STK3: variants seen among roughly 807,000 people sequenced by gnomAD.
The protein encoded by STK3 is serine/threonine-protein kinase 3.
Under a neutral mutation model 58.0 loss-of-function variants are expected in STK3, and 41 were observed. That is an observed-to-expected ratio of 0.71 (90% CI 0.55 to 0.92). The LOEUF (loss-of-function observed/expected upper bound fraction) is 0.92. Among genes scored for constraint, STK3 ranks in the 40% least tolerant of loss-of-function variants. STK3 has a pLI of 0.00. For missense variants in STK3, 479 were observed against 602.7 expected (o/e 0.79, Z 2.15); for synonymous variants, 170 against 191.0 (o/e 0.89, Z 0.91).
At chr8:98,529,224 T>C (rs1404154206) in intron 9 of STK3, among the ~76,000 whole-genome samples, 2 of 152,030 alleles carry the variant, frequency 1.3e-5, no homozygotes, top group African/African-American at 4.8e-5. Context: ...CCTAAATCGA[T>C]GCCTACTTTA....
chr8:98,457,211 T>G (rs753414208), intron 10 of STK3, among the ~76,000 whole-genome samples: 1 of 152,254 alleles, frequency 6.6e-6, no homozygotes, highest in African/African-American at 2.4e-5. Flanking sequence ...ATATATCATA[T>G]GTAGTATTAT....
chr8:98,400,420 G>A (rs548007599), downstream of STK3, among the ~76,000 whole-genome samples: 18 of 152,340 alleles, frequency 1.2e-4, no homozygotes, highest in East Asian at 2.9e-3. Flanking sequence ...GGCGCCTGCC[G>A]TACTGAGGTT....
At chr8:98,415,176 A>G (rs922460205) in intron 3 of STK3, among the ~76,000 whole-genome samples, 1 of 152,196 alleles carries the variant, frequency 6.6e-6, no homozygotes, top group Non-Finnish European at 1.5e-5. Flanking sequence ...ATAAGGAACC[A>G]TCTTGGAAAC....
rs1251837736 is a variant in STK3, at chr8:98,771,281, A to G, written c.107+3458T>C. Among the ~76,000 whole-genome samples, 3 of 152,202 alleles carry G rather than the reference A, an allele frequency of 2.0e-5. No individual in the cohort carries two copies. In the East Asian group the frequency reaches 5.8e-4, roughly 29 times the overall value. Reference sequence around the variant, plus strand: ...CTGTAAAATGTACCAGTACTTCACTACTTTTTATGGCTAAAAGGTCACTGT... The same window carrying G: ...CTGTAAAATGTACCAGTACTTCACTGCTTTTTATGGCTAAAAGGTCACTGT... On this transcript the variant is annotated intron_variant, in intron 2 of 10. Transcript: ENST00000419617.
intron 1 of STK3, among the ~76,000 whole-genome samples, chr8:98,923,854 T>C (rs59826127): frequency 0.036 from 4,041 of 113,364 alleles, 90 homozygotes; most frequent in African/African-American, 0.07. Context: ...TGTGTGTGTG[T>C]GCGCGCGCGC....
intron 10 of STK3, among the ~76,000 whole-genome samples, chr8:98,510,361 G>C (rs1323659143): frequency 1.3e-5 from 2 of 151,852 alleles, no homozygotes; most frequent in Non-Finnish European, 2.9e-5. Flanking sequence ...AATCAGTTTT[G>C]CAAATAGTTA....
At chr8:98,872,231 T>C (rs887614533) in intron 3 of STK3, among the ~76,000 whole-genome samples, 2 of 152,212 alleles carry the variant, frequency 1.3e-5, no homozygotes, top group African/African-American at 2.4e-5. Flanking sequence ...GATGTGCTGC[T>C]GGATTCAGTT....
intron 6 of STK3, chr8:98,638,693 A>G (rs1326993513): frequency 1.3e-5 from 2 of 152,358 alleles, no homozygotes; most frequent in Non-Finnish European, 2.9e-5. Flanking sequence ...TCATATTAAG[A>G]GAAAACTGAG....
intron 1 of STK3, among the ~76,000 whole-genome samples, chr8:98,814,533 G>A (rs143955522): frequency 1.3e-5 from 2 of 151,732 alleles, no homozygotes; most frequent in Admixed American, 1.3e-4. Flanking sequence ...TAGAGACAGG[G>A]TCTCACCAGG....
chr8:98,926,748 G>A lies in STK3; in HGVS notation c.-79+15630C>T, dbSNP rs373813527. 4.6e-4 allele frequency among the ~76,000 whole-genome samples: 70 copies of A among 152,332 alleles called. 1 individual carries two copies. The highest frequency in any genetic ancestry group is 1.6e-3 in the African/African-American group (66 of 41,574). On this transcript the variant is annotated intron_variant, in intron 1 of 1. Transcript: ENST00000519420. ...TTAAAATGGGGCCAAAGCACATTGG[G>A]ATTTGGGACAACAAAAGAGGAAGTT... is the stretch of plus-strand genomic sequence containing the variant.
intron 8 of STK3, among the ~76,000 whole-genome samples, chr8:98,577,593 T>C (rs995664388): frequency 1.3e-5 from 2 of 152,170 alleles, no homozygotes; most frequent in African/African-American, 4.8e-5. Flanking sequence ...CTTTGTTCTC[T>C]CTCTTGGACC....
At chr8:98,789,730 C>A (rs181310540) in intron 1 of STK3, among the ~76,000 whole-genome samples, 3 of 152,150 alleles carry the variant, frequency 2.0e-5, no homozygotes, top group South Asian at 4.2e-4. Flanking sequence ...CTGAACAGAT[C>A]GACAGCAAGC....
At chr8:98,693,303 C>T (rs777115651) in intron 6 of STK3, among the ~76,000 whole-genome samples, 36 of 151,984 alleles carry the variant, frequency 2.4e-4, no homozygotes, top group Non-Finnish European at 4.4e-4. Context: ...GGGGCTGAGG[C>T]GGGAGGATTG....
chr8:98,939,235 G>C (rs997610914), intron 1 of STK3, among the ~76,000 whole-genome samples: 1 of 152,224 alleles, frequency 6.6e-6, no homozygotes, highest in Non-Finnish European at 1.5e-5. Context: ...GGAGGAGAGA[G>C]AGCACGCGCG....
At chr8:98,596,325 T>A in intron 6 of STK3, 156 bp from the exon 7 acceptor site, 2 of 746,126 alleles carry the variant, frequency 2.7e-6, no homozygotes, top group Non-Finnish European at 2.1e-6. Context: ...AGGAAGCCAG[T>A]CCATCTGCTA....
At chr8:98,462,739 T>C (rs1820100405) in intron 10 of STK3, among the ~76,000 whole-genome samples, 1 of 152,218 alleles carries the variant, frequency 6.6e-6, no homozygotes, top group Admixed American at 6.5e-5. Flanking sequence ...CAAACTTCTT[T>C]ATGTTGTTTT....
chr8:98,501,660 G>A (rs1175448003), intron 10 of STK3, among the ~76,000 whole-genome samples: 1 of 152,186 alleles, frequency 6.6e-6, no homozygotes, highest in African/African-American at 2.4e-5. Flanking sequence ...ATTAAATAGG[G>A]AATCCTTTCC....
intron 8 of STK3, among the ~76,000 whole-genome samples, chr8:98,576,625 G>T (rs1813414062): frequency 6.6e-6 from 1 of 152,054 alleles, no homozygotes. Context: ...TATATTTTAG[G>T]TATTTCATTC....
At chr8:98,863,954 T>C (rs200118901) in intron 3 of STK3, among the ~76,000 whole-genome samples, 4 of 152,108 alleles carry the variant, frequency 2.6e-5, no homozygotes, top group Non-Finnish European at 5.9e-5. Flanking sequence ...CCCAGCACTT[T>C]GGGAGGCCGA....
Sources: allele counts gnomAD v4.1 joint callset (sites outside exome capture counted in the v4.1 genomes callset), GRCh38; gene constraint gnomAD v4.1.1; transcripts MANE v1.5; gene names NCBI Gene and HGNC (gene_info 2026-07-23, HGNC 2026-07-21).